ZSWIM5: variants seen among roughly 807,000 people sequenced by gnomAD.
ZSWIM5 encodes the protein zinc finger SWIM domain-containing protein 5.
In ZSWIM5, 55 loss-of-function variants were observed where a neutral mutation model predicts 119.6. The ratio of observed to expected loss-of-function variants is 0.46; its 90% CI spans 0.37 to 0.58. The LOEUF (loss-of-function observed/expected upper bound fraction) is 0.58. Among genes scored for constraint, ZSWIM5 ranks in the 20% least tolerant of loss-of-function variants. The probability of loss-of-function intolerance (pLI) is 0.00; values close to 1 mark genes in which losing one functional copy is unlikely to be tolerated. For synonymous variants in ZSWIM5, 537 were observed against 606.9 expected (o/e 0.88, Z 1.69); for missense variants, 1,193 against 1,512.8 (o/e 0.79, Z 3.51).
At chr1:45,094,584 C>G (rs1005655420) in intron 1 of ZSWIM5, among the ~76,000 whole-genome samples, 2 of 151,830 alleles carry the variant, frequency 1.3e-5, no homozygotes, top group South Asian at 4.2e-4. Context: ...GAGACAGGGC[C>G]AGGCTTGGCG....
intron 1 of ZSWIM5, among the ~76,000 whole-genome samples, chr1:45,194,543 T>C (rs1450763720): frequency 6.6e-6 from 1 of 152,158 alleles, no homozygotes; most frequent in African/African-American, 2.4e-5. Context: ...CACCAAAGTA[T>C]TACGGGGCAT....
chr1:45,127,796 C>T (rs1342092754), intron 1 of ZSWIM5, among the ~76,000 whole-genome samples: 1 of 151,768 alleles, frequency 6.6e-6, no homozygotes, highest in African/African-American at 2.4e-5. Flanking sequence ...ATAAGATGAA[C>T]ATATGAAAAA....
chr1:45,114,222 T>C (rs1482762858), intron 1 of ZSWIM5, among the ~76,000 whole-genome samples: 2 of 152,148 alleles, frequency 1.3e-5, no homozygotes, highest in Non-Finnish European at 2.9e-5. Context: ...AGAAGATCAT[T>C]CATGGGGGAA....
rs867127587 is a variant in ZSWIM5, at chr1:45,182,757, G to T, written c.595+22999C>A. Among the ~76,000 whole-genome samples, 297 of 152,146 alleles carry T rather than the reference G, an allele frequency of 2.0e-3. 1 individual carries two copies. The highest frequency in any genetic ancestry group is 6.4e-3 in the African/African-American group (267 of 41,510). On this transcript the variant is annotated intron_variant, in intron 1 of 13. Coordinates refer to ENST00000359600, the MANE Select transcript of ZSWIM5 (RefSeq NM_020883.2). ...CACCCAGATTCATAAAGCAAGTCCT[G>T]AGTGACCTACAAAGAGACTTAGACT...
chr1:45,157,174 T>C (rs1378680714), intron 1 of ZSWIM5, among the ~76,000 whole-genome samples: 1 of 151,948 alleles, frequency 6.6e-6, no homozygotes, highest in Admixed American at 6.6e-5. Context: ...TCACTCAGCA[T>C]ATTATTATGG....
At chr1:45,205,063 CT>C (rs769255667) in intron 1 of ZSWIM5, among the ~76,000 whole-genome samples, 24 of 151,206 alleles carry the variant, frequency 1.6e-4, no homozygotes, top group Admixed American at 8.6e-4. Flanking sequence ...GCGTGACCAG[CT>C]TTTGATTTAC....
chr1:45,069,181 CTT>C (rs1248362560), intron 2 of ZSWIM5, among the ~76,000 whole-genome samples: 1 of 152,046 alleles, frequency 6.6e-6, no homozygotes, highest in African/African-American at 2.4e-5. Flanking sequence ...AATCCCAGCA[CTT>C]TGGGAGGCCG....
intron 1 of ZSWIM5, among the ~76,000 whole-genome samples, chr1:45,089,674 T>C (rs893579208): frequency 2.6e-5 from 4 of 152,140 alleles, no homozygotes; most frequent in Non-Finnish European, 4.4e-5. Flanking sequence ...AAAGTTCTTA[T>C]CAAAACCCAC....
intron 2 of ZSWIM5, among the ~76,000 whole-genome samples, chr1:45,075,801 T>C (rs996381018): frequency 5.3e-5 from 8 of 152,042 alleles, no homozygotes; most frequent in Admixed American, 6.6e-5. Context: ...TTCCTTCCTG[T>C]TTTCCTTTAG....
chr1:45,142,075 T>C (rs917944980), intron 1 of ZSWIM5, among the ~76,000 whole-genome samples: 3 of 152,066 alleles, frequency 2.0e-5, no homozygotes, highest in Admixed American at 1.3e-4. Flanking sequence ...CCAGCCATGG[T>C]TGTGCATGTC....
At chr1:45,035,644 T>C (rs749664949) in intron 10 of ZSWIM5, 44 bp downstream of exon 10, 4 of 1,604,830 alleles carry the variant, frequency 2.5e-6, no homozygotes, top group Non-Finnish European at 1.7e-6. Flanking sequence ...CACTGGACAC[T>C]TCTGCTTTGG....
At chr1:45,068,411 G>A (rs1469593360) in intron 2 of ZSWIM5, among the ~76,000 whole-genome samples, 1 of 151,312 alleles carries the variant, frequency 6.6e-6, no homozygotes, top group Non-Finnish European at 1.5e-5. Flanking sequence ...TGGCTGATAA[G>A]TGGTAATTTA....
chr1:45,112,672 T>C (rs1645525722), intron 1 of ZSWIM5, among the ~76,000 whole-genome samples: 1 of 152,220 alleles, frequency 6.6e-6, no homozygotes, highest in Admixed American at 6.5e-5. Context: ...GTAACTCTTG[T>C]AATTTAGCAT....
chr1:45,189,307 T>C (rs542309494), intron 1 of ZSWIM5, among the ~76,000 whole-genome samples: 3 of 151,964 alleles, frequency 2.0e-5, no homozygotes, highest in Non-Finnish European at 4.4e-5. Flanking sequence ...AGACAGAGAC[T>C]CTGTCTCAAA....
Position 45,192,649 on chromosome 1 carries a change from C to T in ZSWIM5, c.595+13107G>A, listed in dbSNP as rs112552391. On this transcript the variant is annotated intron_variant, in intron 1 of 13. Coordinates refer to ENST00000359600, the MANE Select transcript of ZSWIM5 (RefSeq NM_020883.2). Reference sequence around the variant, plus strand: ...GTATAAATATCTATTCAATTCCCTGCTTTCAATTATTTTGGTTATACAACC... The same window carrying T: ...GTATAAATATCTATTCAATTCCCTGTTTTCAATTATTTTGGTTATACAACC... Among the ~76,000 whole-genome samples the T allele has an allele frequency of 9.6e-3, 1,457 of 152,224 alleles. 28 individuals are homozygous for T. Among genetic ancestry groups the T allele is most frequent in the African/African-American group, 0.034 (1,397 of 41,534 alleles).
At chr1:45,196,043 T>G (rs1340481658) in intron 1 of ZSWIM5, among the ~76,000 whole-genome samples, 7 of 144,988 alleles carry the variant, frequency 4.8e-5, no homozygotes, top group African/African-American at 1.6e-4. Flanking sequence ...AGTTTTTTTT[T>G]TTTTTTTTTT....
chr1:45,035,977 G>GTA lies in ZSWIM5; in HGVS notation c.2155+61_2155+62insTA, dbSNP rs1644980615. 1.9e-6 allele frequency: 3 copies of GTA among 1,583,162 alleles called. No individual in the cohort carries two copies. The South Asian group carries it at 3.5e-5, about 18-fold the overall frequency. The stretch of plus-strand genomic sequence containing the variant: ...AATGTTCCTGTACTTGTACTCTATT[G>GTA]GAGAGGGGAGCTCAGGGTCATGGGC... On this transcript the variant is annotated intron_variant, in intron 9 of 13. Transcript: ENST00000359600.
At chr1:45,081,653 G>A (rs1027769340) in intron 2 of ZSWIM5, among the ~76,000 whole-genome samples, 8 of 152,302 alleles carry the variant, frequency 5.3e-5, no homozygotes, top group African/African-American at 1.9e-4. Flanking sequence ...CGTGATCTCG[G>A]CTTGCTACAA....
intron 1 of ZSWIM5, among the ~76,000 whole-genome samples, chr1:45,205,338 T>C (rs1346041862): frequency 6.6e-6 from 1 of 152,192 alleles, no homozygotes; most frequent in African/African-American, 2.4e-5. Context: ...GCTAGGGCTA[T>C]AGATTGCCTC....
Sources: allele counts gnomAD v4.1 joint callset (sites outside exome capture counted in the v4.1 genomes callset), GRCh38; gene constraint gnomAD v4.1.1; transcripts MANE v1.5; gene names NCBI Gene and HGNC (gene_info 2026-07-23, HGNC 2026-07-21).